Variants in BAZ2B observed in about 807,000 individuals in gnomAD.
BAZ2B encodes bromodomain adjacent to zinc finger domain protein 2B.
BAZ2B carries 91 observed loss-of-function variants against 246.0 expected under a neutral mutation model. The observed-to-expected ratio is 0.37, with a 90% CI of 0.31 to 0.44. The LOEUF (loss-of-function observed/expected upper bound fraction) is 0.44, where lower values mean the gene tolerates loss of function less well. BAZ2B is among the 20% of genes least tolerant of loss of function. The pLI, the probability that BAZ2B is intolerant of heterozygous loss-of-function variation, is 1.00. For synonymous variants in BAZ2B, 855 were observed against 860.0 expected, an observed-to-expected ratio of 0.99 and a Z score of 0.10; for missense variants, 2,332 against 2,533.7, an observed-to-expected ratio of 0.92 and a Z score of 1.71.
chr2:159,497,184 G>C (rs1182002192), intron 2 of BAZ2B, among the ~76,000 whole-genome samples: 1 of 152,014 alleles, frequency 6.6e-6, no homozygotes, highest in Non-Finnish European at 1.5e-5. Flanking sequence ...ACTAAATTCG[G>C]AGTAGTGAGA....
At chr2:159,603,890 A>G (rs1258868414) in intron 1 of BAZ2B, among the ~76,000 whole-genome samples, 1 of 152,214 alleles carries the variant, frequency 6.6e-6, no homozygotes, top group African/African-American at 2.4e-5. Flanking sequence ...GGTTCATGAC[A>G]CTAACCTGCT....
chr2:159,496,172 G>A (rs553000959), intron 2 of BAZ2B, among the ~76,000 whole-genome samples: 7 of 149,188 alleles, frequency 4.7e-5, no homozygotes, highest in South Asian at 4.2e-4. Context: ...TCAGAAGATC[G>A]AGACCAGCCT....
At chr2:159,322,408 C>T (rs2148737633) in intron 36 of BAZ2B, among the ~76,000 whole-genome samples, 1 of 152,300 alleles carries the variant, frequency 6.6e-6, no homozygotes, top group Middle Eastern at 3.4e-3. Context: ...CAGTTATTCC[C>T]CATTCCTCCC....
intron 1 of BAZ2B, among the ~76,000 whole-genome samples, chr2:159,561,910 G>A (rs941893399): frequency 6.6e-6 from 1 of 152,142 alleles, no homozygotes; most frequent in African/African-American, 2.4e-5. Context: ...ACGTATAATA[G>A]AGCTTAGGAA....
chr2:159,443,610 C>T (rs2073813414), intron 6 of BAZ2B, among the ~76,000 whole-genome samples: 1 of 152,164 alleles, frequency 6.6e-6, no homozygotes, highest in Non-Finnish European at 1.5e-5. Flanking sequence ...CAAACCCATG[C>T]TGAACCACAT....
the BAZ2B span, among the ~76,000 whole-genome samples, chr2:159,629,617 T>G: frequency 4.0e-5 from 6 of 150,864 alleles, no homozygotes; most frequent in Admixed American, 1.3e-4. Context: ...AAGTGGGAGT[T>G]GAACAATGAG....
At chr2:159,317,337 T>C (rs2062227109), downstream of BAZ2B, among the ~76,000 whole-genome samples, 1 of 152,222 alleles carries the variant, frequency 6.6e-6, no homozygotes, top group African/African-American at 2.4e-5. Context: ...AGATCCTTCA[T>C]AATTCAGATT....
intron 27 of BAZ2B, among the ~76,000 whole-genome samples, chr2:159,353,427 T>C (rs1338966490): frequency 1.3e-5 from 2 of 152,184 alleles, no homozygotes; most frequent in Non-Finnish European, 2.9e-5. Flanking sequence ...GGACAGCTTC[T>C]AGGATACAAC....
chr2:159,478,592 G>C lies in BAZ2B; in HGVS notation c.128C>G (p.Ser43Cys). ...GLSTGVASLS[S>C]TINPCGHLFR... ...GTATTCACCACATGGGTTGATTGTA[G>C]AGCTAAGTGAAGCAACTCCAGTGGA... The change falls in exon 3 of 37, where the codon TCT (serine) becomes TGT (cysteine). Residue 43 changes from serine to cysteine, a missense_variant. Around this residue, in one of 9 missense-constraint regions of BAZ2B, gnomAD observed 242 missense variants for 237.4 expected, o/e 1.02. Coordinates refer to ENST00000392783, the MANE Select transcript of BAZ2B (RefSeq NM_013450.4). 1 of 1,609,120 alleles carries C rather than the reference G, an allele frequency of 6.2e-7. No individual in the cohort carries two copies. Among genetic ancestry groups the C allele is most frequent in the African/African-American group, 1.3e-5 (1 of 74,756 alleles).
At chr2:159,621,477 T>A (rs1167190047), upstream of BAZ2B, among the ~76,000 whole-genome samples, 1 of 152,142 alleles carries the variant, frequency 6.6e-6, no homozygotes, top group Non-Finnish European at 1.5e-5. Flanking sequence ...AAAGAGAGCT[T>A]TGCCAGGGGT....
intron 1 of BAZ2B, among the ~76,000 whole-genome samples, chr2:159,596,563 A>G (rs1374108813): frequency 6.6e-6 from 1 of 151,956 alleles, no homozygotes; most frequent in Non-Finnish European, 1.5e-5. Flanking sequence ...TCCATAGGGC[A>G]TTGGGGAACA....
At chr2:159,353,727 GT>G (rs1325808228) in intron 27 of BAZ2B, among the ~76,000 whole-genome samples, 1 of 152,232 alleles carries the variant, frequency 6.6e-6, no homozygotes, top group Non-Finnish European at 1.5e-5. Flanking sequence ...ACCCACCAGA[GT>G]GGGAAACCTC....
intron 35 of BAZ2B, 108 bp downstream of exon 35, chr2:159,325,541 ATTTT>A: frequency 8.3e-7 from 1 of 1,204,622 alleles, no homozygotes; most frequent in Non-Finnish European, 1.1e-6. Flanking sequence ...TATGCTTTAC[ATTTT>A]TTTATTTACA....
intron 2 of BAZ2B, among the ~76,000 whole-genome samples, chr2:159,489,483 A>G (rs1377930412): frequency 6.6e-6 from 1 of 152,224 alleles, no homozygotes; most frequent in Admixed American, 6.5e-5. Context: ...AAAATGGTGT[A>G]GAGTTGAAAA....
At chr2:159,385,446 A>G (rs2062525630) in intron 22 of BAZ2B, 77 bp from the exon 23 acceptor site, 2 of 1,314,330 alleles carry the variant, frequency 1.5e-6, no homozygotes, top group Non-Finnish European at 2.1e-6. Context: ...AAAAATCCTC[A>G]TATTATTTGA....
the BAZ2B span, among the ~76,000 whole-genome samples, chr2:159,708,577 A>ATTTC: frequency 3.1e-5 from 3 of 95,298 alleles, no homozygotes; most frequent in East Asian, 3.0e-4. Flanking sequence ...TTATTTATTT[A>ATTTC]TTTCTTTATT....
intron 33 of BAZ2B, among the ~76,000 whole-genome samples, chr2:159,335,699 C>T (rs893372081): frequency 2.0e-5 from 3 of 152,022 alleles, no homozygotes; most frequent in South Asian, 2.1e-4. Flanking sequence ...ATTAATAAGG[C>T]CTTGAGTAGT....
intron 1 of BAZ2B, among the ~76,000 whole-genome samples, chr2:159,615,106 T>C (rs557042440): frequency 6.6e-6 from 1 of 152,222 alleles, no homozygotes; most frequent in Admixed American, 6.5e-5. Flanking sequence ...GCTGCTTCCC[T>C]CTTTATAAGG....
chr2:159,684,500 T>C, the BAZ2B span, among the ~76,000 whole-genome samples: 1 of 152,222 alleles, frequency 6.6e-6, no homozygotes, highest in Admixed American at 6.5e-5. Context: ...TGGACAATAT[T>C]GTCTACACAA....
Sources: gnomAD v4.1 joint callset for allele counts (sites outside exome capture counted in the v4.1 genomes callset) on GRCh38, gnomAD v4.1.1 for gene constraint, gnomAD v4.1.1 regional missense constraint, MANE v1.5 for transcripts, NCBI Gene and HGNC (gene_info 2026-07-23, HGNC 2026-07-21) for gene names.